BLTP3B: variants seen among roughly 807,000 people sequenced by gnomAD.
BLTP3B encodes the protein bridge-like lipid transfer protein family member 3B, also known as UHRF1 (ICBP90) binding protein 1-like.
the BLTP3B span, among the ~76,000 whole-genome samples, chr12:100,138,960 T>C: frequency 6.6e-6 from 1 of 152,196 alleles, no homozygotes; most frequent in Non-Finnish European, 1.5e-5. Context: ...TCTTTAGAAG[T>C]TTCCATTCCC....
At chr12:100,126,435 T>G in the BLTP3B span, among the ~76,000 whole-genome samples, 1 of 152,018 alleles carries the variant, frequency 6.6e-6, no homozygotes, top group South Asian at 2.1e-4. Flanking sequence ...CTGCTCATGG[T>G]TCAACTCAAG....
At chr12:100,078,062 T>C in the BLTP3B span, among the ~76,000 whole-genome samples, 1 of 152,116 alleles carries the variant, frequency 6.6e-6, no homozygotes, top group Admixed American at 6.6e-5. Context: ...GCCCCTGATA[T>C]AGTTTGGATA....
At chr12:100,070,111 T>G in the BLTP3B span, 40 of 1,517,940 alleles carry the variant, frequency 2.6e-5, no homozygotes, top group Non-Finnish European at 3.4e-5. Context: ...CCCTATGAGA[T>G]GCAGAGCAGA....
chr12:100,106,415 C>T, the BLTP3B span, among the ~76,000 whole-genome samples: 2 of 152,158 alleles, frequency 1.3e-5, no homozygotes, highest in East Asian at 1.9e-4. Flanking sequence ...CCATGGAATA[C>T]TACTCAGCCA....
chr12:100,058,379 A>G, the BLTP3B span: 1 of 1,612,816 alleles, frequency 6.2e-7, no homozygotes. Context: ...TATCTGATAA[A>G]TAGTCCATAA....
At chr12:100,126,106 A>C in the BLTP3B span, among the ~76,000 whole-genome samples, 2 of 152,214 alleles carry the variant, frequency 1.3e-5, no homozygotes, top group East Asian at 3.8e-4. Context: ...TATTAAAATA[A>C]AGAAAATAGT....
At chr12:100,083,708 T>C in the BLTP3B span, among the ~76,000 whole-genome samples, 1 of 151,114 alleles carries the variant, frequency 6.6e-6, no homozygotes, top group South Asian at 2.1e-4. Context: ...AAAAAAGTAG[T>C]AGTATCACAC....
chr12:100,139,724 T>C, the BLTP3B span, among the ~76,000 whole-genome samples: 2 of 152,214 alleles, frequency 1.3e-5, no homozygotes, highest in Admixed American at 1.3e-4. Context: ...CAACAAATAG[T>C]TGTTGAGTAC....
the BLTP3B span, among the ~76,000 whole-genome samples, chr12:100,070,824 C>T: frequency 6.6e-6 from 1 of 151,716 alleles, no homozygotes; most frequent in South Asian, 2.1e-4. Flanking sequence ...AGAAAAGAAA[C>T]CTCACCTCTA....
the BLTP3B span, among the ~76,000 whole-genome samples, chr12:100,055,343 G>A: frequency 6.6e-5 from 10 of 152,138 alleles, no homozygotes; most frequent in East Asian, 9.7e-4. Context: ...CATGTAAGAC[G>A]CTTAAAATAG....
the BLTP3B span, chr12:100,037,851 T>C: frequency 0.011 from 12,764 of 1,120,884 alleles, 126 homozygotes; most frequent in South Asian, 0.03. Context: ...CTTGGGATAG[T>C]AAAAATGCCC....
the BLTP3B span, chr12:100,104,008 C>T: frequency 7.4e-6 from 10 of 1,360,276 alleles, no homozygotes; most frequent in Non-Finnish European, 9.3e-6. Flanking sequence ...ATAATGTAAA[C>T]AGTAATCAAT....
At chr12:100,131,063 C>T in the BLTP3B span, among the ~76,000 whole-genome samples, 1 of 144,892 alleles carries the variant, frequency 6.9e-6, no homozygotes, top group Non-Finnish European at 1.5e-5. Context: ...CTTAAAATCA[C>T]TGAATTTTCT....
At chr12:100,041,152 AT>A in the BLTP3B span, among the ~76,000 whole-genome samples, 1 of 152,202 alleles carries the variant, frequency 6.6e-6, no homozygotes, top group Non-Finnish European at 1.5e-5. Context: ...AAATGTATCT[AT>A]CATCCAAAAA....
the BLTP3B span, among the ~76,000 whole-genome samples, chr12:100,104,504 A>G: frequency 6.6e-6 from 1 of 150,528 alleles, no homozygotes; most frequent in African/African-American, 2.5e-5. Flanking sequence ...ATGCCTGGCC[A>G]ATTTCAGGTT....
the BLTP3B span, among the ~76,000 whole-genome samples, chr12:100,081,725 T>C: frequency 6.6e-6 from 1 of 152,230 alleles, no homozygotes; most frequent in Non-Finnish European, 1.5e-5. Context: ...GCTGCATCCA[T>C]GTTGCTACAA....
At chr12:100,130,986 AG>A in the BLTP3B span, among the ~76,000 whole-genome samples, 1 of 47,526 alleles carries the variant, frequency 2.1e-5, no homozygotes, top group Non-Finnish European at 3.5e-5. Context: ...AGGGAGGGAG[AG>A]AGAGAGAGAG....
chr12:100,113,661 T>A, the BLTP3B span, among the ~76,000 whole-genome samples: 2 of 151,692 alleles, frequency 1.3e-5, no homozygotes, highest in Admixed American at 6.6e-5. Context: ...TCACTATTAT[T>A]AAGACTAAGA....
At chr12:100,048,767 A>AGT in the BLTP3B span, among the ~76,000 whole-genome samples, 1 of 111,902 alleles carries the variant, frequency 8.9e-6, no homozygotes, top group Non-Finnish European at 1.8e-5. Flanking sequence ...AGAGAGTGAG[A>AGT]GTGAGTGTGT....
Sources: allele counts gnomAD v4.1 joint callset (sites outside exome capture counted in the v4.1 genomes callset), GRCh38; gene constraint gnomAD v4.1.1; transcripts MANE v1.5; gene names NCBI Gene and HGNC (gene_info 2026-07-23, HGNC 2026-07-21).